DNAJC6: variants seen among roughly 807,000 people sequenced by gnomAD.
The protein encoded by DNAJC6 is auxilin.
In DNAJC6, 34 loss-of-function variants were observed where a neutral mutation model predicts 110.0. The ratio of observed to expected loss-of-function variants is 0.31; its 90% CI spans 0.24 to 0.41. DNAJC6 has a LOEUF of 0.41. Ranked by LOEUF, DNAJC6 falls within the 10% of genes least tolerant of loss-of-function variation. The probability of loss-of-function intolerance (pLI) is 1.00; values close to 1 mark genes in which losing one functional copy is unlikely to be tolerated. For missense variants in DNAJC6, 1,031 were observed against 1,207.8 expected, an observed-to-expected ratio of 0.85 and a Z score of 2.17; for synonymous variants, 406 against 437.2, an observed-to-expected ratio of 0.93 and a Z score of 0.89.
intron 1 of DNAJC6, among the ~76,000 whole-genome samples, chr1:65,330,876 T>C (rs1026367917): frequency 1.3e-5 from 2 of 152,196 alleles, no homozygotes; most frequent in African/African-American, 4.8e-5. Flanking sequence ...ATCTTTAGGG[T>C]ATTACTCTCT....
chr1:65,293,156 C>T (rs1644895898), intron 1 of DNAJC6, among the ~76,000 whole-genome samples: 1 of 152,240 alleles, frequency 6.6e-6, no homozygotes, highest in Non-Finnish European at 1.5e-5. Context: ...ACAACACACA[C>T]TTATATCTCA....
upstream of DNAJC6, among the ~76,000 whole-genome samples, chr1:65,308,777 ATGG>A (rs961394139): frequency 2.0e-5 from 3 of 152,142 alleles, no homozygotes; most frequent in Admixed American, 2.0e-4. Flanking sequence ...CCTAAGGTAA[ATGG>A]TGGCGGATCT....
intron 1 of DNAJC6, among the ~76,000 whole-genome samples, chr1:65,304,197 G>GA (rs201738829): frequency 0.012 from 1,704 of 142,118 alleles, 18 homozygotes; most frequent in Non-Finnish European, 0.016. Context: ...TTATCTTAAA[G>GA]AAAAAAAAAA....
chr1:65,313,193 C>T (rs1268688870), intron 1 of DNAJC6, among the ~76,000 whole-genome samples: 1 of 151,228 alleles, frequency 6.6e-6, no homozygotes, highest in Admixed American at 6.6e-5. Context: ...GCTGGGACTA[C>T]AGGTATGAAC....
intron 1 of DNAJC6, among the ~76,000 whole-genome samples, chr1:65,265,576 A>C (rs1653288180): frequency 2.0e-5 from 3 of 152,212 alleles, no homozygotes; most frequent in African/African-American, 2.4e-5. Flanking sequence ...AATTTAAATA[A>C]AAACTCAAAA....
At chr1:65,273,953 T>C (rs1372758888) in intron 1 of DNAJC6, among the ~76,000 whole-genome samples, 2 of 152,166 alleles carry the variant, frequency 1.3e-5, no homozygotes. Flanking sequence ...TTTGGTTCCA[T>C]GTTCTATATA....
At chr1:65,362,661 G>C (rs892325276) in intron 1 of DNAJC6, among the ~76,000 whole-genome samples, 8 of 152,272 alleles carry the variant, frequency 5.3e-5, no homozygotes, top group African/African-American at 1.9e-4. Context: ...GATTTAGAAA[G>C]ACTGACTTCC....
chr1:65,364,845 C>CCTG, intron 2 of DNAJC6, 60 bp downstream of exon 2: 1 of 1,585,846 alleles, frequency 6.3e-7, no homozygotes, highest in Non-Finnish European at 8.6e-7. Context: ...GATCTGGTTA[C>CCTG]CTGCTGACTG....
intron 4 of DNAJC6, among the ~76,000 whole-genome samples, chr1:65,366,825 A>G (rs536407740): frequency 2.6e-5 from 4 of 152,260 alleles, no homozygotes; most frequent in African/African-American, 9.6e-5. Flanking sequence ...TTCAGATATG[A>G]TTGGTTCTGC....
rs767814312 is a variant in DNAJC6, at chr1:65,411,231, A to G, written c.2635-19A>G. ...AGTAAGTAAGCATTTGAATTTCTTA[A>G]TCCCCTTTGTGTTTACAGATTCTGG... On this transcript the variant is annotated intron_variant, in intron 17 of 18. Coordinates refer to ENST00000371069, the MANE Select transcript of DNAJC6 (RefSeq NM_001256864.2). 19 of 1,604,430 alleles carry G rather than the reference A, an allele frequency of 1.2e-5. No homozygotes were observed. The highest frequency in any genetic ancestry group is 1.6e-5 in the Non-Finnish European group (19 of 1,172,998).
At chr1:65,333,218 G>A (rs1017848928) in intron 1 of DNAJC6, among the ~76,000 whole-genome samples, 4 of 152,010 alleles carry the variant, frequency 2.6e-5, no homozygotes, top group Non-Finnish European at 5.9e-5. Flanking sequence ...GTACATTTTG[G>A]CCTTATTACT....
At chr1:65,391,355 T>C (rs1285395600) in intron 11 of DNAJC6, among the ~76,000 whole-genome samples, 1 of 152,130 alleles carries the variant, frequency 6.6e-6, no homozygotes, top group Non-Finnish European at 1.5e-5. Context: ...GGAATGTGGG[T>C]CTATCTGGCA....
At chr1:65,366,297 G>T in intron 4 of DNAJC6, 101 bp downstream of exon 4, 1 of 1,280,958 alleles carries the variant, frequency 7.8e-7, no homozygotes, top group South Asian at 1.4e-5. Flanking sequence ...ATCTGAAGCT[G>T]AAAAACTATA....
intron 1 of DNAJC6, among the ~76,000 whole-genome samples, chr1:65,327,423 T>A (rs1458133625): frequency 1.3e-5 from 2 of 152,220 alleles, no homozygotes; most frequent in Admixed American, 6.5e-5. Context: ...CCATTTATAC[T>A]TTTTCTACTT....
chr1:65,388,420 G>C lies in DNAJC6; in HGVS notation c.1193+5G>C. On this transcript the variant is annotated splice_donor_5th_base_variant and intron_variant, in intron 9 of 18. Coordinates refer to ENST00000371069, the MANE Select transcript of DNAJC6 (RefSeq NM_001256864.2). Reference sequence around the variant, plus strand: ...AACAGTTTTAAAGTTCACCAAGTAAGTACTGGTTGGGCCAAAAGTCTATTT... The same window carrying C: ...AACAGTTTTAAAGTTCACCAAGTAACTACTGGTTGGGCCAAAAGTCTATTT... The C allele has an allele frequency of 6.2e-7, 1 of 1,613,248 alleles. No individual in the cohort carries two copies. Among genetic ancestry groups the C allele is most frequent in the Non-Finnish European group, 8.5e-7 (1 of 1,179,350 alleles).
At chr1:65,348,790 C>T (rs897199138) in intron 1 of DNAJC6, among the ~76,000 whole-genome samples, 2 of 150,346 alleles carry the variant, frequency 1.3e-5, no homozygotes, top group African/African-American at 4.9e-5. Flanking sequence ...ATTAAGTCTA[C>T]TCTCGTTATT....
rs74386172 is a variant in DNAJC6 at position 65,271,882 on chromosome 1, A to G, written c.-131+6950A>G. ...CGAGACTCCATCTCAAAAAAAAAAAAAAAGAAAGAAATAGAATTGATTTTA... is the reference window on the plus strand; with the variant it reads ...CGAGACTCCATCTCAAAAAAAAAAAGAAAGAAAGAAATAGAATTGATTTTA... On this transcript the variant is annotated intron_variant, in intron 1 of 19. Coordinates refer to the DNAJC6 transcript ENST00000263441. 6.5e-3 allele frequency among the ~76,000 whole-genome samples: 989 copies of G among 152,114 alleles called. 28 individuals carry two copies. The highest frequency in any genetic ancestry group is 0.041 in the Admixed American group (620 of 15,258).
At chr1:65,298,023 C>T (rs769039719) in intron 1 of DNAJC6, among the ~76,000 whole-genome samples, 12 of 115,950 alleles carry the variant, frequency 1.0e-4, no homozygotes, top group East Asian at 3.0e-4. Flanking sequence ...GCTCCCCCTA[C>T]GTGCCAAATC....
intron 1 of DNAJC6, among the ~76,000 whole-genome samples, chr1:65,301,076 C>G (rs2101281973): frequency 6.6e-6 from 1 of 152,252 alleles, no homozygotes; most frequent in South Asian, 2.1e-4. Context: ...AACTATTTAC[C>G]ACATAAAAAT....
Sources: gnomAD v4.1 joint callset for allele counts (sites outside exome capture counted in the v4.1 genomes callset) on GRCh38, gnomAD v4.1.1 for gene constraint, MANE v1.5 for transcripts, NCBI Gene and HGNC (gene_info 2026-07-23, HGNC 2026-07-21) for gene names.